CPED1: variants seen among roughly 807,000 people sequenced by gnomAD.
CPED1 encodes the protein cadherin-like and PC-esterase domain-containing protein 1.
CPED1 carries 114 observed loss-of-function variants against 128.2 expected under a neutral mutation model. The ratio of observed to expected loss-of-function variants is 0.89; its 90% confidence interval spans 0.76 to 1.04. The LOEUF (loss-of-function observed/expected upper bound fraction) is 1.04, where lower values mean the gene tolerates loss of function less well. Among genes scored for constraint, CPED1 ranks in the 50% least tolerant of loss-of-function variants. The probability of loss-of-function intolerance (pLI) is 0.00; values close to 1 mark genes in which losing one functional copy is unlikely to be tolerated. For missense variants in CPED1, 1,211 were observed against 1,207.1 expected (o/e 1.00, Z -0.05); for synonymous variants, 462 against 426.7 (o/e 1.08, Z -1.02).
At chr7:121,254,118 T>C (rs908451684) in intron 18 of CPED1, among the ~76,000 whole-genome samples, 1 of 152,074 alleles carries the variant, frequency 6.6e-6, no homozygotes, top group African/African-American at 2.4e-5. Flanking sequence ...AGTCTTCTCA[T>C]CTACACACAG....
chr7:121,015,264 G>C lies in CPED1; in HGVS notation c.250-401G>C, dbSNP rs141848551. ...TCAGTACAAAACCCATCCTCTCTGA[G>C]TGTTTTCTCTACTATATTTACCTAA... On this transcript the variant is annotated intron_variant, in intron 2 of 22. Transcript: ENST00000310396. Among the ~76,000 whole-genome samples the C allele has an allele frequency of 3.3e-5, 5 of 152,250 alleles. No individual in the cohort carries two copies. In the East Asian group the frequency reaches 7.7e-4, roughly 23 times the overall value.
chr7:121,076,588 C>T (rs1794129938), intron 5 of CPED1: 1 of 152,142 alleles, frequency 6.6e-6, no homozygotes, highest in African/African-American at 2.4e-5. Context: ...AGTATTCGTT[C>T]ACCTTTCATT....
rs187964476 is a variant in CPED1 at position 121,146,279 on chromosome 7, G to T, written c.2055+4138G>T. Among the ~76,000 whole-genome samples the T allele has an allele frequency of 2.0e-5, 3 of 152,114 alleles. No homozygotes were observed. The South Asian group carries it at 6.2e-4, about 32-fold the overall frequency. On this transcript the variant is annotated intron_variant, in intron 16 of 22. Transcript: ENST00000310396. ...GGGAAAGACGCAAAGGGCAGCAAAA[G>T]GGTCTAAAGTAGTTACCTCCAGCAC...
chr7:121,024,573 G>C (rs1273902756), intron 3 of CPED1, among the ~76,000 whole-genome samples: 2 of 152,114 alleles, frequency 1.3e-5, no homozygotes, highest in Admixed American at 1.3e-4. Flanking sequence ...ATATAACTTT[G>C]AAGATACTTT....
In CPED1 at chr7:121,110,783, A is replaced by T. The variant is rs774867823; in HGVS notation, c.918+10689A>T. ...ATAATCTGATTTACTTTTTAAGCCC[A>T]TTCTGCTGCTTTGTGGAGAACAGAT... On this transcript the variant is annotated intron_variant, in intron 7 of 22. Coordinates refer to ENST00000310396, the MANE Select transcript of CPED1 (RefSeq NM_024913.5). Among the ~76,000 whole-genome samples the T allele has an allele frequency of 4.6e-5, 7 of 152,322 alleles. 1 individual carries two copies. The Middle Eastern group carries it at 0.014, about 296-fold the overall frequency.
chr7:121,256,277 T>G (rs1042972628), intron 18 of CPED1, among the ~76,000 whole-genome samples: 1 of 151,950 alleles, frequency 6.6e-6, no homozygotes, highest in Non-Finnish European at 1.5e-5. Context: ...GAGATAAAGC[T>G]GCATATCTAC....
At chr7:121,004,205 G>C (rs757338931) in intron 2 of CPED1, among the ~76,000 whole-genome samples, 19 of 152,190 alleles carry the variant, frequency 1.2e-4, no homozygotes, top group Non-Finnish European at 1.9e-4. Context: ...GGAAAATCCA[G>C]ATGAACTGGT....
chr7:121,096,012 T>C (rs1185823344), intron 5 of CPED1, among the ~76,000 whole-genome samples: 1 of 152,108 alleles, frequency 6.6e-6, no homozygotes, highest in Non-Finnish European at 1.5e-5. Flanking sequence ...TTTAGTAAAA[T>C]TTTAATTAAG....
At chr7:121,235,061 G>T (rs1237110310) in intron 16 of CPED1, among the ~76,000 whole-genome samples, 1 of 152,030 alleles carries the variant, frequency 6.6e-6, no homozygotes, top group Non-Finnish European at 1.5e-5. Context: ...ATGTATAATG[G>T]TAACTGCTTC....
rs529411476 is a variant in CPED1 at position 121,259,935 on chromosome 7, T to C, written c.2311-6292T>C. Among the ~76,000 whole-genome samples, 68 of 152,206 alleles carry C rather than the reference T, an allele frequency of 4.5e-4. No homozygotes were observed. The Middle Eastern group carries it at 0.01, about 23-fold the overall frequency. On this transcript the variant is annotated intron_variant, in intron 18 of 22. Coordinates refer to ENST00000310396, the MANE Select transcript of CPED1 (RefSeq NM_024913.5). ...GTAGTGTCTTGGACTTAAAGGTGTT[T>C]AAATTTTCAAAGTGTGGCTAATTTA...
At chr7:121,106,470 G>T (rs1794978400) in intron 7 of CPED1, among the ~76,000 whole-genome samples, 1 of 152,010 alleles carries the variant, frequency 6.6e-6, no homozygotes, top group Non-Finnish European at 1.5e-5. Flanking sequence ...CAGTAGGCAA[G>T]TGTTAATTAT....
chr7:121,117,094 T>TAA, intron 7 of CPED1, among the ~76,000 whole-genome samples: 1 of 142,582 alleles, frequency 7.0e-6, no homozygotes, highest in East Asian at 2.0e-4. Context: ...TATATATATA[T>TAA]ATATAAATAT....
Position 121,260,796 on chromosome 7 carries a change from TC to T in CPED1, c.2311-5430del, listed in dbSNP as rs371191130. Among the ~76,000 whole-genome samples the T allele has an allele frequency of 2.2e-4, 33 of 152,216 alleles. No homozygotes were observed. The East Asian group carries it at 6.4e-3, about 29-fold the overall frequency. On this transcript the variant is annotated intron_variant, in intron 18 of 22. Coordinates refer to ENST00000310396, the MANE Select transcript of CPED1 (RefSeq NM_024913.5). ...AACTAGGCTCAGTCTTGTGTTGAAA[TC>T]TACGTGCACTTTATTGGATCCAGAG...
In CPED1 at chr7:120,989,850, A is replaced by G; in HGVS notation, c.229A>G (p.Asn77Asp). 6.2e-7 allele frequency: 1 copy of G among 1,614,114 alleles called. No homozygotes were observed. The highest frequency in any genetic ancestry group is 8.5e-7 in the Non-Finnish European group (1 of 1,179,998). ...QDKQCFLLSG[N>D]AQETRKVKES... is the part of the protein sequence containing the mutation. ...CAAACAGTGCTTCCTTCTCTCTGGT[A>G]ATGCCCAGGAAACCAGAAAGGTAAG... The change falls in exon 2 of 23, where the codon AAT becomes GAT. Residue 77 changes from asparagine to aspartate, a missense_variant. By Grantham distance (23) the Asn-to-Asp change is conservative. Transcript: ENST00000310396.
intron 4 of CPED1, among the ~76,000 whole-genome samples, chr7:121,060,980 A>G (rs560294566): frequency 1.2e-4 from 19 of 152,186 alleles, no homozygotes; most frequent in African/African-American, 4.6e-4. Context: ...GCGCCACCTT[A>G]AGAGCTGTAA....
chr7:121,163,817 A>G (rs1371569448), intron 16 of CPED1, among the ~76,000 whole-genome samples: 4 of 152,176 alleles, frequency 2.6e-5, no homozygotes, highest in Non-Finnish European at 4.4e-5. Context: ...GTCCATTCTC[A>G]TACCCATAGC....
At chr7:121,256,119 AAAAACAAAAC>A (rs1172664489) in intron 18 of CPED1, among the ~76,000 whole-genome samples, 3 of 90,394 alleles carry the variant, frequency 3.3e-5, no homozygotes, top group Non-Finnish European at 7.6e-5. Flanking sequence ...AGCAAAAAAA[AAAAACAAAAC>A]AAAAAAAAAA....
chr7:121,140,012 T>C (rs1379270353), intron 14 of CPED1, among the ~76,000 whole-genome samples: 3 of 152,232 alleles, frequency 2.0e-5, no homozygotes, highest in South Asian at 2.1e-4. Flanking sequence ...AACACTTTGT[T>C]AAGCTTTTGG....
At chr7:121,242,949 A>G (rs1030704201) in intron 17 of CPED1, among the ~76,000 whole-genome samples, 1 of 152,136 alleles carries the variant, frequency 6.6e-6, no homozygotes, top group African/African-American at 2.4e-5. Context: ...CCACATACAC[A>G]AACACATTCA....
Sources: allele counts gnomAD v4.1 joint callset (sites outside exome capture counted in the v4.1 genomes callset), GRCh38; gene constraint gnomAD v4.1.1; transcripts MANE v1.5; gene names NCBI Gene and HGNC (gene_info 2026-07-23, HGNC 2026-07-21).